Variants in GPHN observed in about 807,000 individuals in gnomAD.
GPHN encodes the protein gephyrin.
A neutral mutation model predicts 95.5 loss-of-function variants in GPHN; 17 were observed. The ratio of observed to expected loss-of-function variants is 0.18; its 90% confidence interval spans 0.12 to 0.27. GPHN has a LOEUF of 0.27. Among genes scored for constraint, GPHN ranks in the 10% least tolerant of loss-of-function variants. The pLI, the probability that GPHN is intolerant of heterozygous loss-of-function variation, is 1.00. For synonymous variants in GPHN, 320 were observed against 322.5 expected, an observed-to-expected ratio of 0.99 and a Z score of 0.08; for missense variants, 660 against 978.1, an observed-to-expected ratio of 0.67 and a Z score of 4.34.
At chr14:66,512,937 A>G (rs2058094623) in intron 1 of GPHN, among the ~76,000 whole-genome samples, 1 of 151,744 alleles carries the variant, frequency 6.6e-6, no homozygotes, top group South Asian at 2.1e-4. Flanking sequence ...TAGGCAAATT[A>G]CTATTAAATC....
chr14:67,058,462 A>G (rs1487668448), intron 10 of GPHN, among the ~76,000 whole-genome samples, 187 bp from the exon 11 acceptor site: 1 of 152,240 alleles, frequency 6.6e-6, no homozygotes, highest in African/African-American at 2.4e-5. Context: ...CACATGATGT[A>G]ACATTGCTAA....
chr14:66,617,536 T>A (rs2063101883), intron 1 of GPHN, among the ~76,000 whole-genome samples: 1 of 152,152 alleles, frequency 6.6e-6, no homozygotes, highest in South Asian at 2.1e-4. Flanking sequence ...CCACACAAGC[T>A]TTCTGGTCAG....
chr14:67,332,668 G>A, the GPHN span: 8 of 1,101,542 alleles, frequency 7.3e-6, no homozygotes, highest in South Asian at 1.7e-5. Context: ...GGTTGGGAGA[G>A]ACAGAAGGAA....
the GPHN span, among the ~76,000 whole-genome samples, chr14:67,629,564 T>G: frequency 6.6e-6 from 1 of 152,314 alleles, no homozygotes; most frequent in South Asian, 2.1e-4. Context: ...GCTTAATGGG[T>G]ACAGAGTTTG....
At chr14:67,182,203 C>T (rs968313760), downstream of GPHN, among the ~76,000 whole-genome samples, 1 of 152,034 alleles carries the variant, frequency 6.6e-6, no homozygotes, top group Non-Finnish European at 1.5e-5. Context: ...TACAGATGAG[C>T]GCCTCGAAAT....
At chr14:66,674,635 A>G (rs2066486162) in intron 1 of GPHN, among the ~76,000 whole-genome samples, 1 of 152,192 alleles carries the variant, frequency 6.6e-6, no homozygotes, top group Non-Finnish European at 1.5e-5. Flanking sequence ...GTATGAATGC[A>G]TTTAATTCTC....
chr14:67,671,770 A>G, the GPHN span, among the ~76,000 whole-genome samples: 1 of 152,128 alleles, frequency 6.6e-6, no homozygotes, highest in East Asian at 1.9e-4. Flanking sequence ...CCTTCTTGCT[A>G]CCCATGGGTC....
the GPHN span, among the ~76,000 whole-genome samples, chr14:67,595,293 GTACTTGAAGTACCGTTCC>G: frequency 2.2e-4 from 34 of 152,212 alleles, no homozygotes; most frequent in South Asian, 1.4e-3. Context: ...GTTTGTATGG[GTACTTGAAGTACCGTTCC>G]TACTTGAAGT....
chr14:67,662,584 T>G, the GPHN span: 15 of 1,518,194 alleles, frequency 9.9e-6, no homozygotes, highest in Non-Finnish European at 1.4e-5. Context: ...TTCCACACAT[T>G]TGTAAAGGCC....
rs576374379 is a variant in GPHN at position 66,508,392 on chromosome 14, C to G, written c.-136C>G. ...GCCACCGTGCACTCTGTGGCCTCCCCCTCCTTCCCCGCTCTCCTCGCGCTT... is the reference window on the plus strand; with the variant it reads ...GCCACCGTGCACTCTGTGGCCTCCCGCTCCTTCCCCGCTCTCCTCGCGCTT... On this transcript the variant is annotated 5_prime_UTR_variant, in exon 1 of 23. Coordinates refer to ENST00000478722, the MANE Select transcript of GPHN (RefSeq NM_020806.5). 19 of 823,348 alleles carry G rather than the reference C, an allele frequency of 2.3e-5. No individual in the cohort carries two copies. The Middle Eastern group carries it at 1.3e-3, about 56-fold the overall frequency. 51.0% of individuals were successfully genotyped at this position (823,348 alleles called of 1,614,324 possible).
chr14:67,182,718 T>C (rs2083342221), downstream of GPHN, among the ~76,000 whole-genome samples: 1 of 152,024 alleles, frequency 6.6e-6, no homozygotes, highest in Admixed American at 6.6e-5. Flanking sequence ...ATAACCACGA[T>C]ATTTAATATA....
intron 9 of GPHN, among the ~76,000 whole-genome samples, chr14:67,019,316 T>A (rs112375458): frequency 3.3e-5 from 5 of 152,194 alleles, no homozygotes; most frequent in African/African-American, 1.2e-4. Flanking sequence ...AATTTCTAAT[T>A]TAAAATGTGA....
At chr14:66,978,696 A>G (rs2070430864) in intron 9 of GPHN, among the ~76,000 whole-genome samples, 1 of 152,170 alleles carries the variant, frequency 6.6e-6, no homozygotes, top group Admixed American at 6.5e-5. Flanking sequence ...TCCAACTCCT[A>G]TTAATGTTGA....
chr14:67,321,175 G>C, the GPHN span: 4 of 1,614,220 alleles, frequency 2.5e-6, no homozygotes, highest in Non-Finnish European at 3.4e-6. Context: ...GTGAATTTGA[G>C]AAGAATTTGT....
At chr14:67,052,140 T>G (rs1455723035) in intron 10 of GPHN, among the ~76,000 whole-genome samples, 3 of 152,068 alleles carry the variant, frequency 2.0e-5, no homozygotes, top group African/African-American at 7.2e-5. Context: ...GCTAAATGCC[T>G]CCAGTTGAAA....
chr14:67,653,916 G>A, the GPHN span, among the ~76,000 whole-genome samples: 4 of 152,302 alleles, frequency 2.6e-5, no homozygotes, highest in Non-Finnish European at 5.9e-5. Context: ...CTGCTTTTGG[G>A]ATCTGGTTTT....
chr14:67,524,376 C>G, the GPHN span, among the ~76,000 whole-genome samples: 1 of 152,164 alleles, frequency 6.6e-6, no homozygotes, highest in Non-Finnish European at 1.5e-5. Flanking sequence ...GCCCAGAACT[C>G]TAAGAATGCC....
chr14:67,463,689 A>G, the GPHN span, among the ~76,000 whole-genome samples: 1 of 151,688 alleles, frequency 6.6e-6, no homozygotes, highest in Non-Finnish European at 1.5e-5. Context: ...GCTAGCATCT[A>G]ATGCTGGCTG....
chr14:67,495,211 C>T, the GPHN span, among the ~76,000 whole-genome samples: 1 of 152,172 alleles, frequency 6.6e-6, no homozygotes, highest in Non-Finnish European at 1.5e-5. Context: ...AAAATTCCAG[C>T]TCTGGGGTTT....
Sources: gnomAD v4.1 joint callset for allele counts (sites outside exome capture counted in the v4.1 genomes callset) on GRCh38, gnomAD v4.1.1 for gene constraint, MANE v1.5 for transcripts, NCBI Gene and HGNC (gene_info 2026-07-23, HGNC 2026-07-21) for gene names.